The following FOXP2 variants were observed in gnomAD, a reference collection of about 807,000 sequenced individuals.
The protein encoded by FOXP2 is forkhead box protein P2.
FOXP2 carries 12 observed loss-of-function variants against 115.8 expected under a neutral mutation model. That is an observed-to-expected ratio of 0.10 (90% confidence interval 0.07 to 0.17). The LOEUF is 0.17. FOXP2 is among the 10% of genes least tolerant of loss of function. FOXP2 has a pLI of 1.00. For synonymous variants in FOXP2, 328 were observed against 297.7 expected (o/e 1.10, Z -1.05); for missense variants, 629 against 843.5 (o/e 0.75, Z 3.15).
intron 2 of FOXP2, among the ~76,000 whole-genome samples, chr7:114,385,100 C>T (rs1792411609): frequency 6.6e-6 from 1 of 151,848 alleles, no homozygotes; most frequent in African/African-American, 2.4e-5. Context: ...ACTCGGGGCC[C>T]TGGCAAGGGT....
At chr7:114,086,349 C>G (rs756044933), upstream of FOXP2, 1 of 408,362 alleles carries the variant, frequency 2.4e-6, no homozygotes, top group South Asian at 1.7e-5. Context: ...GACACGCCGG[C>G]GCGTGCAGCT....
At chr7:114,652,658 A>AT (rs757227698) in intron 9 of FOXP2, among the ~76,000 whole-genome samples, 15 of 152,050 alleles carry the variant, frequency 9.9e-5, no homozygotes, top group Non-Finnish European at 1.8e-4. Flanking sequence ...TTTCCATGAG[A>AT]TTTTATATTG....
intron 2 of FOXP2, among the ~76,000 whole-genome samples, chr7:114,388,658 G>A (rs1053007563): frequency 6.6e-6 from 1 of 152,092 alleles, no homozygotes; most frequent in Non-Finnish European, 1.5e-5. Flanking sequence ...TACTGTTAGA[G>A]AAAAAGAAAG....
intron 3 of FOXP2, among the ~76,000 whole-genome samples, chr7:114,557,878 C>T (rs1800545126): frequency 6.6e-6 from 1 of 151,940 alleles, no homozygotes. Flanking sequence ...GGCCCGATCT[C>T]AGCTCACTGT....
chr7:114,251,699 T>C (rs949990029), intron 1 of FOXP2, among the ~76,000 whole-genome samples: 1 of 152,180 alleles, frequency 6.6e-6, no homozygotes, highest in African/African-American at 2.4e-5. Flanking sequence ...GCTGTAACAA[T>C]GGGGTTTTCT....
intron 1 of FOXP2, among the ~76,000 whole-genome samples, chr7:114,276,008 G>C (rs2129173980): frequency 6.6e-6 from 1 of 152,318 alleles, no homozygotes; most frequent in Non-Finnish European, 1.5e-5. Flanking sequence ...GAAGGCAAGA[G>C]CTGACTAGAG....
chr7:114,560,841 TC>T (rs1255808682), intron 3 of FOXP2: 1 of 152,350 alleles, frequency 6.6e-6, no homozygotes, highest in African/African-American at 2.4e-5. Flanking sequence ...ATTAAATTTA[TC>T]TTGTTAATTT....
intron 2 of FOXP2, among the ~76,000 whole-genome samples, chr7:114,505,311 C>G (rs1797754605): frequency 6.6e-6 from 1 of 151,450 alleles, no homozygotes; most frequent in African/African-American, 2.4e-5. Context: ...TTAATTAAGA[C>G]AGGTCAGCAG....
chr7:114,240,363 A>G (rs2129167456), intron 1 of FOXP2, among the ~76,000 whole-genome samples: 1 of 152,216 alleles, frequency 6.6e-6, no homozygotes, highest in Non-Finnish European at 1.5e-5. Context: ...TGTTTAATAT[A>G]ATGGCCTGAC....
chr7:114,440,978 C>T (rs1174805663), intron 2 of FOXP2, among the ~76,000 whole-genome samples: 1 of 152,068 alleles, frequency 6.6e-6, no homozygotes, highest in African/African-American at 2.4e-5. Context: ...GAAAATGTAA[C>T]CTTTGCTATT....
chr7:114,285,518 T>C (rs890990588), intron 1 of FOXP2: 7 of 152,110 alleles, frequency 4.6e-5, no homozygotes, highest in Non-Finnish European at 7.4e-5. Context: ...GAGGTGCCCA[T>C]AGGGTGCTTT....
intron 3 of FOXP2, among the ~76,000 whole-genome samples, chr7:114,579,487 C>T (rs1318209482): frequency 1.3e-5 from 2 of 152,086 alleles, no homozygotes; most frequent in Non-Finnish European, 2.9e-5. Flanking sequence ...CTGTGACTGT[C>T]GCCCACCCCA....
chr7:114,591,157 A>G (rs1802418543), intron 3 of FOXP2, among the ~76,000 whole-genome samples: 1 of 152,126 alleles, frequency 6.6e-6, no homozygotes, highest in Non-Finnish European at 1.5e-5. Context: ...TAAACTCTGA[A>G]TAAATGTTTA....
intron 1 of FOXP2, among the ~76,000 whole-genome samples, chr7:114,166,230 T>C (rs1276401795): frequency 3.3e-5 from 5 of 152,114 alleles, no homozygotes; most frequent in Non-Finnish European, 2.9e-5. Flanking sequence ...ATCAAAAATA[T>C]GATCCATGAA....
chr7:114,536,936 C>A (rs1227578903), intron 3 of FOXP2, among the ~76,000 whole-genome samples: 1 of 151,440 alleles, frequency 6.6e-6, no homozygotes, highest in Admixed American at 6.6e-5. Flanking sequence ...AGCTTAGCAA[C>A]TGGAGACACG....
chr7:114,265,016 G>T (rs2198049), intron 1 of FOXP2, among the ~76,000 whole-genome samples: 1 of 152,120 alleles, frequency 6.6e-6, no homozygotes, highest in Admixed American at 6.5e-5. Context: ...TTGAACATGA[G>T]ATTTGGGCAG....
chr7:114,691,661 C>G lies in FOXP2; in HGVS notation c.*1735C>G, dbSNP rs1007457046. ...GCCAAGTCTTGATAATACTTTTTCC[C>G]CCAACCAAGGGACCTCATAACCTGA... On this transcript the variant is annotated 3_prime_UTR_variant, in exon 17 of 17. Transcript: ENST00000350908. The G allele has an allele frequency of 4.4e-6, 2 of 453,830 alleles. No homozygotes were observed. The highest frequency in any genetic ancestry group is 4.7e-5 in the Admixed American group (2 of 42,530). The allele number at this position is 453,830 out of a possible 1,614,324, so 28.1% of individuals were successfully genotyped here. A position where few individuals can be genotyped will look rare whatever the true frequency, so the allele number is the denominator to read the frequency against.
At chr7:114,589,316 T>C (rs1315192582) in intron 3 of FOXP2, among the ~76,000 whole-genome samples, 3 of 152,168 alleles carry the variant, frequency 2.0e-5, no homozygotes, top group African/African-American at 7.2e-5. Flanking sequence ...GATTAGTATG[T>C]GAAGTAAATA....
intron 2 of FOXP2, among the ~76,000 whole-genome samples, chr7:114,503,049 CTT>C (rs2129253752): frequency 6.6e-6 from 1 of 152,108 alleles, no homozygotes; most frequent in Non-Finnish European, 1.5e-5. Context: ...GAGTGAAACT[CTT>C]TTCCTCTGCT....
Sources: allele counts gnomAD v4.1 joint callset (sites outside exome capture counted in the v4.1 genomes callset), GRCh38; gene constraint gnomAD v4.1.1; transcripts MANE v1.5; gene names NCBI Gene and HGNC (gene_info 2026-07-23, HGNC 2026-07-21).